ITFG1: variants seen among roughly 807,000 people sequenced by gnomAD.
The protein encoded by ITFG1 is integrin alpha FG-GAP repeat containing 1.
A neutral mutation model predicts 81.8 loss-of-function variants in ITFG1; 34 were observed. The observed-to-expected ratio is 0.42, with a 90% CI of 0.32 to 0.55. The LOEUF is 0.55. ITFG1 is among the 20% of genes least tolerant of loss of function. ITFG1 has a pLI of 0.17. For missense variants in ITFG1, 672 were observed against 755.4 expected (o/e 0.89, Z 1.29); for synonymous variants, 285 against 270.6 (o/e 1.05, Z -0.52).
At chr16:47,433,566 A>T (rs984225897) in intron 5 of ITFG1, among the ~76,000 whole-genome samples, 1 of 152,028 alleles carries the variant, frequency 6.6e-6, no homozygotes, top group Non-Finnish European at 1.5e-5. Context: ...ATCAACACTT[A>T]AGTTCTTCAC....
In ITFG1 at chr16:47,258,506, A is replaced by T. The variant is rs556404997; in HGVS notation, c.1330+126T>A. 3 of 579,322 alleles carry T rather than the reference A, an allele frequency of 5.2e-6. No individual in the cohort carries two copies. The South Asian group carries it at 6.5e-5, about 13-fold the overall frequency. The allele number at this position is 579,322 out of a possible 1,614,324, so 35.9% of individuals were successfully genotyped here. On this transcript the variant is annotated intron_variant, in intron 12 of 17. Coordinates refer to ENST00000320640, the MANE Select transcript of ITFG1 (RefSeq NM_030790.5). ...CTGAATGGGGTCTATGTATATAGAC[A>T]GGATGGTGCTGTACTGGTTGATCTG...
chr16:47,204,060 A>C (rs1965461594), intron 14 of ITFG1, among the ~76,000 whole-genome samples: 1 of 152,196 alleles, frequency 6.6e-6, no homozygotes, highest in Non-Finnish European at 1.5e-5. Context: ...CCACAATTTA[A>C]AACAAAAATG....
At chr16:47,359,666 A>G (rs887301878) in intron 8 of ITFG1, among the ~76,000 whole-genome samples, 1 of 152,212 alleles carries the variant, frequency 6.6e-6, no homozygotes, top group East Asian at 1.9e-4. Flanking sequence ...AGACCTGGCC[A>G]AGTGCCAGCC....
At chr16:47,158,533 C>A (rs980458245) in intron 17 of ITFG1, among the ~76,000 whole-genome samples, 4 of 152,210 alleles carry the variant, frequency 2.6e-5, no homozygotes, top group Non-Finnish European at 5.9e-5. Context: ...ATACTGAACA[C>A]ACGTTCATTT....
intron 5 of ITFG1, among the ~76,000 whole-genome samples, chr16:47,434,420 A>T (rs1969139135): frequency 6.6e-6 from 1 of 152,118 alleles, no homozygotes; most frequent in Admixed American, 6.5e-5. Context: ...AAAAGATGAC[A>T]TTCCTGTGGC....
At chr16:47,251,625 A>C (rs1416646389) in intron 12 of ITFG1, among the ~76,000 whole-genome samples, 1 of 152,240 alleles carries the variant, frequency 6.6e-6, no homozygotes, top group Non-Finnish European at 1.5e-5. Context: ...AGCATATTAC[A>C]GTAGCCCCCA....
chr16:47,171,028 CCT>C (rs1964953210), intron 14 of ITFG1, among the ~76,000 whole-genome samples: 1 of 112,632 alleles, frequency 8.9e-6, no homozygotes, highest in African/African-American at 3.0e-5. Flanking sequence ...AGCCACTGTG[CCT>C]TTTTTTTTTT....
At chr16:47,457,235 C>T (rs927827032) in intron 2 of ITFG1, among the ~76,000 whole-genome samples, 1 of 150,872 alleles carries the variant, frequency 6.6e-6, no homozygotes, top group Admixed American at 6.6e-5. Context: ...AGCTTGAACC[C>T]GGGAGGCAAA....
intron 10 of ITFG1, among the ~76,000 whole-genome samples, chr16:47,284,980 T>C (rs1966864024): frequency 6.6e-6 from 1 of 152,196 alleles, no homozygotes; most frequent in African/African-American, 2.4e-5. Flanking sequence ...ACATCAGAAT[T>C]ACTCTACACA....
chr16:47,260,010 C>A (rs1281444438), intron 11 of ITFG1, among the ~76,000 whole-genome samples: 1 of 150,752 alleles, frequency 6.6e-6, no homozygotes, highest in African/African-American at 2.4e-5. Context: ...GCAATCTCGG[C>A]TCACTGCAAA....
chr16:47,209,221 G>A (rs1055412792), intron 14 of ITFG1, among the ~76,000 whole-genome samples: 2 of 151,992 alleles, frequency 1.3e-5, no homozygotes, highest in Non-Finnish European at 2.9e-5. Flanking sequence ...TTACTAAAAT[G>A]TTTCCTATTT....
intron 5 of ITFG1, among the ~76,000 whole-genome samples, chr16:47,429,713 G>A (rs775264725): frequency 5.3e-5 from 8 of 152,148 alleles, no homozygotes; most frequent in African/African-American, 9.7e-5. Flanking sequence ...CTGGCCATCC[G>A]TATACATTCT....
chr16:47,171,864 G>GT (rs1447747181), intron 14 of ITFG1, among the ~76,000 whole-genome samples: 1 of 152,082 alleles, frequency 6.6e-6, no homozygotes. Context: ...GAATAGTTTT[G>GT]TATCTGCTTG....
At chr16:47,309,899 A>C (rs1481209123) in intron 10 of ITFG1, among the ~76,000 whole-genome samples, 2 of 152,252 alleles carry the variant, frequency 1.3e-5, no homozygotes, top group Non-Finnish European at 2.9e-5. Flanking sequence ...AATGAATTTA[A>C]AATGTAATTT....
intron 8 of ITFG1, among the ~76,000 whole-genome samples, chr16:47,350,647 T>C (rs1334695224): frequency 1.3e-5 from 2 of 152,174 alleles, no homozygotes; most frequent in Admixed American, 1.3e-4. Context: ...AAGGAGGAGC[T>C]GGTACCATTC....
intron 13 of ITFG1, among the ~76,000 whole-genome samples, chr16:47,232,540 T>C (rs921319681): frequency 2.0e-5 from 3 of 152,074 alleles, no homozygotes; most frequent in African/African-American, 7.2e-5. Context: ...AGGGGGAGGA[T>C]GGGTAGTAGG....
intron 6 of ITFG1, among the ~76,000 whole-genome samples, chr16:47,380,488 T>C (rs1262072569): frequency 6.6e-6 from 1 of 152,078 alleles, no homozygotes; most frequent in Non-Finnish European, 1.5e-5. Flanking sequence ...GATGGACAGG[T>C]AGGAGAAAGG....
At chr16:47,426,933 G>A (rs1486380393) in intron 6 of ITFG1, among the ~76,000 whole-genome samples, 2 of 152,158 alleles carry the variant, frequency 1.3e-5, no homozygotes, top group African/African-American at 4.8e-5. Flanking sequence ...ATATAAAAAT[G>A]TAACTGTAAA....
At chr16:47,223,981 C>T (rs913665681) in intron 13 of ITFG1, among the ~76,000 whole-genome samples, 77 of 148,548 alleles carry the variant, frequency 5.2e-4, no homozygotes, top group African/African-American at 1.8e-3. Context: ...AACCAAACAC[C>T]GCATAGTCTC....
Sources: allele counts gnomAD v4.1 joint callset (sites outside exome capture counted in the v4.1 genomes callset), GRCh38; gene constraint gnomAD v4.1.1; transcripts MANE v1.5; gene names NCBI Gene and HGNC (gene_info 2026-07-23, HGNC 2026-07-21).